NFATC2: variants seen among roughly 807,000 people sequenced by gnomAD.
The protein encoded by NFATC2 is nuclear factor of activated T-cells, cytoplasmic 2.
Under a neutral mutation model 87.3 loss-of-function variants are expected in NFATC2, and 22 were observed. The ratio of observed to expected loss-of-function variants is 0.25; its 90% CI spans 0.18 to 0.36. The LOEUF is 0.36. Among genes scored for constraint, NFATC2 ranks in the 10% least tolerant of loss-of-function variants. NFATC2 has a pLI of 1.00. For synonymous variants in NFATC2, 565 were observed against 542.2 expected, an observed-to-expected ratio of 1.04 and a Z score of -0.58; for missense variants, 1,149 against 1,259.1, an observed-to-expected ratio of 0.91 and a Z score of 1.32.
At chr20:51,509,947 C>T (rs141223549) in intron 3 of NFATC2, among the ~76,000 whole-genome samples, 284 of 152,288 alleles carry the variant, frequency 1.9e-3, no homozygotes, top group African/African-American at 5.7e-3. Context: ...TTACTGTTAC[C>T]GGGAATGAAA....
intron 1 of NFATC2, among the ~76,000 whole-genome samples, chr20:51,552,197 A>G (rs552345919): frequency 6.6e-6 from 1 of 152,274 alleles, no homozygotes; most frequent in South Asian, 2.1e-4. Flanking sequence ...GGATGGCTTG[A>G]GCCCAGGAGG....
intron 5 of NFATC2, among the ~76,000 whole-genome samples, chr20:51,464,310 C>G (rs1987453633): frequency 6.6e-6 from 1 of 152,240 alleles, no homozygotes; most frequent in Admixed American, 6.5e-5. Flanking sequence ...GTGAGACACA[C>G]ACGCATTTAA....
At chr20:51,533,273 A>G (rs930219291) in intron 1 of NFATC2, among the ~76,000 whole-genome samples, 1 of 152,150 alleles carries the variant, frequency 6.6e-6, no homozygotes, top group Non-Finnish European at 1.5e-5. Context: ...TAGAGAAAGA[A>G]CCCCTTTGAA....
rs776605386 is a variant in NFATC2 at position 51,435,692 on chromosome 20, C to T, written c.1905+14G>A. The T allele has an allele frequency of 2.2e-5, 35 of 1,606,596 alleles. No individual in the cohort carries two copies. The highest frequency in any genetic ancestry group is 2.0e-4 in the Admixed American group (12 of 59,260). On this transcript the variant is annotated intron_variant, in intron 7 of 10. Coordinates refer to ENST00000371564, the MANE Select transcript of NFATC2 (RefSeq NM_012340.5). ...AGGGGGATTGAGAGACACTCAGGTG[C>T]GTCACGTGCTTACGGGCTGGCTCTT...
Position 51,391,292 on chromosome 20 carries a change from G to C in NFATC2, c.*204C>G, listed in dbSNP as rs745868247. 6.4e-6 allele frequency: 8 copies of C among 1,242,568 alleles called. No homozygotes were observed. Among genetic ancestry groups the C allele is most frequent in the Non-Finnish European group, 8.3e-6 (7 of 842,162 alleles). 77.0% of individuals were successfully genotyped at this position (1,242,568 alleles called of 1,614,324 possible). A position where few individuals can be genotyped will look rare whatever the true frequency, so the allele number is the denominator to read the frequency against. On this transcript the variant is annotated 3_prime_UTR_variant, in exon 11 of 11. Coordinates refer to ENST00000371564, the MANE Select transcript of NFATC2 (RefSeq NM_012340.5). ...AGTGCCCATACATTGATCCGCGTGT[G>C]GACTCCGGGCTGGGAGATGAACATG...
intron 2 of NFATC2, among the ~76,000 whole-genome samples, chr20:51,520,632 A>T (rs2076429117): frequency 6.6e-6 from 1 of 150,984 alleles, no homozygotes; most frequent in Non-Finnish European, 1.5e-5. Context: ...TTTCCTTTTT[A>T]TTTATTTATT....
In NFATC2 at chr20:51,454,555, C is replaced by T. The variant is rs1210989280; in HGVS notation, c.1842G>A (p.Lys614=). ...GCTCAAAAATCCACTGACCTGTGGT[C>T]TTCTCAGTAAACACAACTTTGGACT... The part of the protein sequence containing the change: ...TSESKVVFTE[K]TTDGQQIWEM... The change falls in exon 6 of 11, where the codon AAG becomes AAA. Residue 614 remains lysine (K), a synonymous_variant. Coordinates refer to ENST00000371564, the MANE Select transcript of NFATC2 (RefSeq NM_012340.5). 6.2e-7 allele frequency: 1 copy of T among 1,614,056 alleles called. No individual in the cohort carries two copies. Among genetic ancestry groups the T allele is most frequent in the Non-Finnish European group, 8.5e-7 (1 of 1,180,012 alleles).
At chr20:51,412,411 T>C (rs920347470) in intron 9 of NFATC2, among the ~76,000 whole-genome samples, 7 of 152,200 alleles carry the variant, frequency 4.6e-5, no homozygotes, top group African/African-American at 1.7e-4. Context: ...GAAACTAGCA[T>C]GCTGAGAGCT....
chr20:51,410,087 G>T (rs1445539371), intron 9 of NFATC2, among the ~76,000 whole-genome samples: 3 of 151,962 alleles, frequency 2.0e-5, no homozygotes, highest in African/African-American at 7.3e-5. Context: ...GCGGGCGCCT[G>T]TAGTCCCACC....
At chr20:51,511,468 G>C (rs895780235) in intron 3 of NFATC2, among the ~76,000 whole-genome samples, 8 of 152,202 alleles carry the variant, frequency 5.3e-5, no homozygotes, top group Non-Finnish European at 1.2e-4. Flanking sequence ...TGAGCTCCAA[G>C]CTCATATATC....
rs926072504 is a variant in NFATC2 at position 51,524,980 on chromosome 20, G to A, written c.131-870C>T. Among the ~76,000 whole-genome samples the A allele has an allele frequency of 8.5e-5, 13 of 152,172 alleles. No homozygotes were observed. Among genetic ancestry groups the A allele is most frequent in the African/African-American group, 3.1e-4 (13 of 41,450 alleles). ...CACACCTGGAATCCCGGCACTTCGG[G>A]AGGCTGAGGCGGGCAGATCACTTGC... On this transcript the variant is annotated intron_variant, in intron 1 of 10. Transcript: ENST00000371564. The surrounding 1 kb of genome is among the most constrained non-coding windows in gnomAD (Gnocchi z 4.0).
chr20:51,504,545 C>A (rs972117869), intron 3 of NFATC2, among the ~76,000 whole-genome samples: 7 of 152,338 alleles, frequency 4.6e-5, no homozygotes, highest in African/African-American at 1.7e-4. Context: ...CACTAAGGAA[C>A]TTATTCATGC....
Position 51,398,566 on chromosome 20 carries a change from TACTTAA to T in NFATC2, c.*44+71_*44+76del, listed in dbSNP as rs539604769. 3.6e-3 allele frequency: 3,308 copies of T among 914,452 alleles called. 42 individuals carry two copies. In the East Asian group the frequency reaches 0.038, roughly 11 times the overall value. 56.6% of individuals were successfully genotyped at this position (914,452 alleles called of 1,614,324 possible). ...CAGCCTGTCAAGTTTTCTTATACTT[TACTTAA>T]AAAAAAAAAAATTCAAGTTAAGGAA... On this transcript the variant is annotated intron_variant, in intron 10 of 10. Coordinates refer to ENST00000371564, the MANE Select transcript of NFATC2 (RefSeq NM_012340.5).
chr20:51,481,066 T>C (rs1448916540), intron 3 of NFATC2, among the ~76,000 whole-genome samples: 1 of 151,940 alleles, frequency 6.6e-6, no homozygotes, highest in East Asian at 1.9e-4. Context: ...AAGGAATACT[T>C]CCCGTCCACC....
chr20:51,521,162 A>G (rs2076438690), intron 2 of NFATC2, among the ~76,000 whole-genome samples: 1 of 152,232 alleles, frequency 6.6e-6, no homozygotes, highest in Non-Finnish European at 1.5e-5. Flanking sequence ...TGGTGTTCTC[A>G]GAACCTGCTG....
At chr20:51,408,846 GCA>G (rs1221812771) in intron 9 of NFATC2, among the ~76,000 whole-genome samples, 1 of 152,184 alleles carries the variant, frequency 6.6e-6, no homozygotes, top group East Asian at 1.9e-4. Context: ...GCTTGTAAAA[GCA>G]CAGACTGTGG....
chr20:51,551,041 G>A (rs1320898674), intron 1 of NFATC2, among the ~76,000 whole-genome samples: 2 of 152,186 alleles, frequency 1.3e-5, no homozygotes, highest in South Asian at 2.1e-4. Context: ...CAAAAAGTGG[G>A]AACATTCTTT....
upstream of NFATC2, among the ~76,000 whole-genome samples, chr20:51,544,089 G>A (rs1204351461): frequency 2.8e-5 from 4 of 141,682 alleles, no homozygotes; most frequent in Admixed American, 1.5e-4. Context: ...CTGGGTTCAC[G>A]CCATTCTCCT....
At chr20:51,472,968 C>T (rs894034661) in intron 5 of NFATC2, among the ~76,000 whole-genome samples, 4 of 152,196 alleles carry the variant, frequency 2.6e-5, no homozygotes, top group Admixed American at 6.5e-5. Context: ...AAACACTGAG[C>T]AGATAATAAG....
Sources: gnomAD v4.1 joint callset for allele counts (sites outside exome capture counted in the v4.1 genomes callset) on GRCh38, gnomAD v4.1.1 for gene constraint, Gnocchi (gnomAD v3.1) non-coding constraint, MANE v1.5 for transcripts, NCBI Gene and HGNC (gene_info 2026-07-23, HGNC 2026-07-21) for gene names.